The following TSPAN5 variants were observed in gnomAD, a reference collection of about 807,000 sequenced individuals.
TSPAN5 encodes the protein tetraspanin 5.
A neutral mutation model predicts 37.1 loss-of-function variants in TSPAN5; 10 were observed. The ratio of observed to expected loss-of-function variants is 0.27; its 90% confidence interval spans 0.17 to 0.46. TSPAN5 has a LOEUF of 0.46. Among genes scored for constraint, TSPAN5 ranks in the 20% least tolerant of loss-of-function variants. The probability of loss-of-function intolerance (pLI) is 1.00; values close to 1 mark genes in which losing one functional copy is unlikely to be tolerated. For synonymous variants in TSPAN5, 110 were observed against 118.9 expected, an observed-to-expected ratio of 0.93 and a Z score of 0.48; for missense variants, 195 against 326.6, an observed-to-expected ratio of 0.60 and a Z score of 3.11.
intron 1 of TSPAN5, among the ~76,000 whole-genome samples, chr4:98,510,878 C>T (rs1753590473): frequency 6.6e-6 from 1 of 152,148 alleles, no homozygotes; most frequent in Non-Finnish European, 1.5e-5. Context: ...TATTCTCAGA[C>T]CATATGTTTT....
chr4:98,472,741 C>T (rs575917898), intron 7 of TSPAN5, among the ~76,000 whole-genome samples, 154 bp from the exon 8 acceptor site: 30 of 152,194 alleles, frequency 2.0e-4, no homozygotes, highest in African/African-American at 7.0e-4. Flanking sequence ...AATTCAGGGG[C>T]TTTTAGTATA....
intron 5 of TSPAN5, 79 bp from the exon 6 acceptor site, chr4:98,476,539 G>A: frequency 7.4e-7 from 1 of 1,344,752 alleles, no homozygotes; most frequent in Non-Finnish European, 1.1e-6. Flanking sequence ...GAAGACTTCT[G>A]TTACGCATTA....
At chr4:98,631,680 AAAAT>A (rs1045080381) in intron 1 of TSPAN5, among the ~76,000 whole-genome samples, 1 of 152,162 alleles carries the variant, frequency 6.6e-6, no homozygotes, top group Admixed American at 6.5e-5. Flanking sequence ...GGATCTGATA[AAAAT>A]TATCTTCAGA....
At chr4:98,655,160 TTTTGTTTTTTGTTTTTTGTTTG>T (rs1757270230) in intron 1 of TSPAN5, among the ~76,000 whole-genome samples, 1 of 151,916 alleles carries the variant, frequency 6.6e-6, no homozygotes, top group Non-Finnish European at 1.5e-5. Context: ...TTTTTTTTGT[TTTTGTTTTTTGTTTTTTGTTTG>T]TTTGTTTTTT....
intron 1 of TSPAN5, among the ~76,000 whole-genome samples, chr4:98,594,140 G>A (rs1755711098): frequency 3.4e-5 from 4 of 119,172 alleles, no homozygotes; most frequent in Admixed American, 1.6e-4. Context: ...AGTTCTCCTT[G>A]AAGAGGTCCT....
rs1035736769 is a variant in TSPAN5, at chr4:98,475,859, G to A, written c.741+330C>T. Among the ~76,000 whole-genome samples, 7 of 151,868 alleles carry A rather than the reference G, an allele frequency of 4.6e-5. No homozygotes were observed. In the East Asian group the frequency reaches 5.8e-4, roughly 13 times the overall value. On this transcript the variant is annotated intron_variant, in intron 7 of 7. Coordinates refer to ENST00000305798, the MANE Select transcript of TSPAN5 (RefSeq NM_005723.4). ...AAAAAAATTAGCCGGGCGTAGTGGC[G>A]GGCACCTGTAGTCCCAGCTACTCGG...
At chr4:98,600,235 T>C (rs748937580) in intron 1 of TSPAN5, among the ~76,000 whole-genome samples, 49 of 152,174 alleles carry the variant, frequency 3.2e-4, no homozygotes, top group Non-Finnish European at 3.8e-4. Flanking sequence ...CTTGCCTCAA[T>C]GTTGATGGCT....
intron 1 of TSPAN5, among the ~76,000 whole-genome samples, chr4:98,638,427 G>T (rs566838386): frequency 3.9e-5 from 6 of 152,146 alleles, no homozygotes; most frequent in African/African-American, 1.4e-4. Flanking sequence ...CATACTTTGT[G>T]GGGGAGGCCC....
At chr4:98,648,786 C>T (rs984766599) in intron 1 of TSPAN5, among the ~76,000 whole-genome samples, 1 of 152,238 alleles carries the variant, frequency 6.6e-6, no homozygotes, top group Non-Finnish European at 1.5e-5. Context: ...GGAGAGGCCA[C>T]ATCTTCCCAA....
chr4:98,494,255 C>A (rs987901892), intron 2 of TSPAN5, among the ~76,000 whole-genome samples: 29 of 152,070 alleles, frequency 1.9e-4, no homozygotes, highest in African/African-American at 7.0e-4. Flanking sequence ...AACAAACCAT[C>A]CTGAACTGTA....
intron 1 of TSPAN5, among the ~76,000 whole-genome samples, chr4:98,623,922 G>C (rs1579038648): frequency 6.6e-6 from 1 of 152,028 alleles, no homozygotes; most frequent in East Asian, 1.9e-4. Flanking sequence ...TGTCCTCCCA[G>C]AGTAAGTTTG....
intron 1 of TSPAN5, among the ~76,000 whole-genome samples, chr4:98,536,724 C>A (rs2110136218): frequency 6.6e-6 from 1 of 152,324 alleles, no homozygotes; most frequent in African/African-American, 2.4e-5. Context: ...GCGGTCTGGC[C>A]CCAGCAGCCT....
chr4:98,650,128 G>A (rs763308650), intron 1 of TSPAN5, among the ~76,000 whole-genome samples: 13 of 152,202 alleles, frequency 8.5e-5, no homozygotes, highest in African/African-American at 1.2e-4. Flanking sequence ...AAAACAGAAT[G>A]TTTAGGAATG....
intron 1 of TSPAN5, chr4:98,657,433 G>A (rs1757315285): frequency 6.6e-6 from 1 of 152,092 alleles, no homozygotes; most frequent in Admixed American, 6.6e-5. Context: ...CGTGGGGCAG[G>A]AACACACTGA....
At chr4:98,534,206 G>GT in intron 1 of TSPAN5, among the ~76,000 whole-genome samples, 1 of 152,216 alleles carries the variant, frequency 6.6e-6, no homozygotes, top group Non-Finnish European at 1.5e-5. Context: ...AGAGAGTCTG[G>GT]TATGTTGTGT....
At chr4:98,611,933 C>T (rs561588993) in intron 1 of TSPAN5, among the ~76,000 whole-genome samples, 2 of 152,362 alleles carry the variant, frequency 1.3e-5, no homozygotes, top group South Asian at 4.1e-4. Context: ...CCTCATTTGC[C>T]CTTCAGCCAG....
At chr4:98,551,650 C>A (rs1382940123) in intron 1 of TSPAN5, among the ~76,000 whole-genome samples, 1 of 90,674 alleles carries the variant, frequency 1.1e-5, no homozygotes, top group Non-Finnish European at 2.2e-5. Flanking sequence ...TACCATCACG[C>A]CCAGCTAATT....
chr4:98,501,120 A>G (rs1753337266), intron 2 of TSPAN5, among the ~76,000 whole-genome samples: 1 of 152,244 alleles, frequency 6.6e-6, no homozygotes, highest in Non-Finnish European at 1.5e-5. Flanking sequence ...TAATTTTTCC[A>G]TGAAATGAGA....
intron 1 of TSPAN5, among the ~76,000 whole-genome samples, chr4:98,531,678 C>A (rs192014698): frequency 4.6e-5 from 7 of 152,326 alleles, no homozygotes; most frequent in Non-Finnish European, 7.3e-5. Context: ...TACACTCCCA[C>A]CAACAGTGTA....
Sources: allele counts gnomAD v4.1 joint callset (sites outside exome capture counted in the v4.1 genomes callset), GRCh38; gene constraint gnomAD v4.1.1; transcripts MANE v1.5; gene names NCBI Gene and HGNC (gene_info 2026-07-23, HGNC 2026-07-21).